SLK: variants seen among roughly 807,000 people sequenced by gnomAD.
SLK encodes the protein STE20 like kinase.
SLK carries 67 observed loss-of-function variants against 147.7 expected under a neutral mutation model. That is an observed-to-expected ratio of 0.45 (90% CI 0.37 to 0.56). The LOEUF (loss-of-function observed/expected upper bound fraction) is 0.56, where lower values mean the gene tolerates loss of function less well. Among genes scored for constraint, SLK ranks in the 20% least tolerant of loss-of-function variants. SLK has a pLI of 0.00. For synonymous variants in SLK, 441 were observed against 475.0 expected (o/e 0.93, Z 0.93); for missense variants, 1,136 against 1,438.8 (o/e 0.79, Z 3.41).
chr10:104,002,953 C>A lies in SLK; in HGVS notation c.1775C>A (p.Pro592His). ...QKLINKPMVG[P>H]EAGGTKEVPI... ...TTAATTAATAAGCCCATGGTGGGTC[C>A]TGAGGCTGGTGGTACTAAGGAAGTT... The change falls in exon 9 of 19, where the codon CCT (proline) becomes CAT (histidine). Residue 592 changes from proline (P) to histidine (H), a missense_variant. Transcript: ENST00000369755. 6.2e-7 allele frequency: 1 copy of A among 1,613,970 alleles called. No individual in the cohort carries two copies. The highest frequency in any genetic ancestry group is 8.5e-7 in the Non-Finnish European group (1 of 1,179,922).
At chr10:104,008,390 C>CA in intron 12 of SLK, 34 bp downstream of exon 12, 1 of 1,348,632 alleles carries the variant, frequency 7.4e-7, no homozygotes, top group Non-Finnish European at 1.0e-6. Flanking sequence ...ATTACTAAAG[C>CA]TTTTTTTTTA....
intron 7 of SLK, among the ~76,000 whole-genome samples, chr10:104,000,976 T>C (rs1209041876): frequency 6.7e-6 from 1 of 148,964 alleles, no homozygotes; most frequent in Non-Finnish European, 1.5e-5. Context: ...GGAGAATCTC[T>C]TGAACCTGGG....
chr10:104,018,711 A>G, intron 14 of SLK, 73 bp from the exon 15 acceptor site: 1 of 1,454,950 alleles, frequency 6.9e-7, no homozygotes, highest in Admixed American at 2.1e-5. Flanking sequence ...TTCTATGTAA[A>G]TATTAAAATG....
chr10:104,014,662 A>G (rs570299146), intron 13 of SLK, among the ~76,000 whole-genome samples: 36 of 152,314 alleles, frequency 2.4e-4, no homozygotes, highest in African/African-American at 8.7e-4. Context: ...CAAATTCTAT[A>G]CAAATAGCCC....
intron 13 of SLK, among the ~76,000 whole-genome samples, chr10:104,017,012 A>C (rs968184362): frequency 2.6e-5 from 4 of 152,228 alleles, no homozygotes; most frequent in Admixed American, 1.3e-4. Flanking sequence ...ATCCAAATTT[A>C]CATTTCTTTA....
At chr10:104,013,128 C>T (rs1295572390) in intron 13 of SLK, among the ~76,000 whole-genome samples, 5 of 152,240 alleles carry the variant, frequency 3.3e-5, no homozygotes, top group South Asian at 2.1e-4. Flanking sequence ...CTGCTTTAAG[C>T]GAAGGTACAA....
At position 104,021,303 on chromosome 10, in the gene SLK, G is replaced by C. The variant is rs531407339; in HGVS notation, c.3448-317G>C. On this transcript the variant is annotated intron_variant, in intron 17 of 18. Transcript: ENST00000369755. ...ACCAGATCCCACATTCTGTACTCACGGGTAAAATGTATGCAGGCTGCCTTC... is the reference window on the plus strand; with the variant it reads ...ACCAGATCCCACATTCTGTACTCACCGGTAAAATGTATGCAGGCTGCCTTC... Among the ~76,000 whole-genome samples the C allele has an allele frequency of 2.0e-5, 3 of 152,316 alleles. No individual in the cohort carries two copies. In the East Asian group the frequency reaches 5.8e-4, roughly 29 times the overall value.
chr10:104,022,404 G>T (rs1211790922), intron 18 of SLK, among the ~76,000 whole-genome samples: 1 of 152,040 alleles, frequency 6.6e-6, no homozygotes, highest in African/African-American at 2.4e-5. Flanking sequence ...GGTCTTACTG[G>T]CTAACCATTT....
chr10:103,996,645 G>A (rs1198890127), intron 4 of SLK, among the ~76,000 whole-genome samples: 3 of 151,982 alleles, frequency 2.0e-5, no homozygotes, highest in African/African-American at 4.8e-5. Flanking sequence ...TGATCCACCC[G>A]CCTCAGCCTC....
At chr10:104,008,133 T>C (rs747512236) in intron 11 of SLK, 44 bp from the exon 12 acceptor site, 5 of 1,458,982 alleles carry the variant, frequency 3.4e-6, no homozygotes, top group Admixed American at 1.9e-5. Flanking sequence ...GGTATTAATA[T>C]GGGTGATGGA....
At chr10:103,995,423 CTTTTTTTTTTTTTTT>C (rs756975426) in intron 4 of SLK, among the ~76,000 whole-genome samples, 1 of 67,704 alleles carries the variant, frequency 1.5e-5, no homozygotes, top group Non-Finnish European at 2.8e-5. Flanking sequence ...TCTTTCTTTT[CTTTTTTTTTTTTTTT>C]TTTTTTTGAG....
At position 104,022,797 on chromosome 10, in the gene SLK, G is replaced by A. The variant is rs1379680276; in HGVS notation, c.3561+1064G>A. ...TAATTTTTGTATTTTCAGTAGAGAC[G>A]GGGCTTCGCCATGTTGGCCAGGCTG... On this transcript the variant is annotated intron_variant, in intron 18 of 18. Coordinates refer to ENST00000369755, the MANE Select transcript of SLK (RefSeq NM_014720.4). 3.3e-5 allele frequency among the ~76,000 whole-genome samples: 5 copies of A among 152,218 alleles called. No homozygotes were observed. The East Asian group carries it at 5.8e-4, about 18-fold the overall frequency.
rs187031587 is a variant in SLK, at chr10:104,017,195, G to A, written c.2878-965G>A. Among the ~76,000 whole-genome samples the A allele has an allele frequency of 3.3e-3, 496 of 152,274 alleles. 7 individuals are homozygous for A. Among genetic ancestry groups the A allele is most frequent in the Non-Finnish European group, 2.9e-3 (195 of 68,024 alleles). ...ATAAATATTTGTTGAATGAATTAGT[G>A]AATCCGAAACATGTTTATAGAATTC... On this transcript the variant is annotated intron_variant, in intron 13 of 18. Transcript: ENST00000369755.
intron 1 of SLK, among the ~76,000 whole-genome samples, chr10:103,989,507 C>CACCCAG (rs1213690150): frequency 7.7e-6 from 1 of 129,694 alleles, no homozygotes; most frequent in South Asian, 2.6e-4. Flanking sequence ...CTTGCTCTGT[C>CACCCAG]ACCCAGACTG....
chr10:104,020,682 C>T (rs1271318113), intron 17 of SLK, 69 bp downstream of exon 17: 1 of 1,522,268 alleles, frequency 6.6e-7, no homozygotes, highest in Non-Finnish European at 8.9e-7. Flanking sequence ...TTTGAGAGAA[C>T]AGTAGCTAGC....
rs769524606 is a variant in SLK at position 104,001,499 on chromosome 10, C to T, written c.920C>T (p.Ala307Val). 3.1e-6 allele frequency: 5 copies of T among 1,613,696 alleles called. 1 individual carries two copies. The South Asian group carries it at 3.3e-5, about 11-fold the overall frequency. ...CCCATCCGAGAATTGATTGCAGAGG[C>T]GAAGGCTGAAGTAACAGAAGAAGTT... ...NKPIRELIAE[A>V]KAEVTEEVED... Residue 307 changes from alanine to valine, a missense_variant, in exon 8 of 19, where the codon GCG becomes GTG. Transcript: ENST00000369755.
chr10:104,020,474 TTTC>T lies in SLK; in HGVS notation c.3322-11_3322-9del, dbSNP rs1372847281. 6.2e-7 allele frequency: 1 copy of T among 1,604,660 alleles called. No individual in the cohort carries two copies. The highest frequency in any genetic ancestry group is 8.5e-7 in the Non-Finnish European group (1 of 1,176,064). On this transcript the variant is annotated splice_polypyrimidine_tract_variant and intron_variant, in intron 16 of 18. Coordinates refer to ENST00000369755, the MANE Select transcript of SLK (RefSeq NM_014720.4). ...GCTTCTGAACTATAGTTTATCTTTT[TTTC>T]TTATTTATAGTTTGCTGCACAAGAA...
Position 104,002,253 on chromosome 10 carries a change from A to T in SLK, c.1075A>T (p.Ile359Phe), listed in dbSNP as rs1382824658. The change falls in exon 9 of 19, where the codon ATT (isoleucine) becomes TTT (phenylalanine). Residue 359 changes from isoleucine (I) to phenylalanine (F), a missense_variant. Physicochemically the swap from Ile to Phe is conservative, Grantham distance 21 (BLOSUM62 0). Around this residue, in one of 6 missense-constraint regions of SLK, gnomAD observed 516 missense variants for 531.3 expected, o/e 0.97. Transcript: ENST00000369755. ...AGATAAACTTTCACAAAATGCTTGTATTTTGGAGTCTGTCTCAGAAAAAAC... is the reference window on the plus strand; with the variant it reads ...AGATAAACTTTCACAAAATGCTTGTTTTTTGGAGTCTGTCTCAGAAAAAAC... ...EEDKLSQNAC[I>F]LESVSEKTER... is the part of the protein sequence containing the mutation. The T allele has an allele frequency of 6.2e-7, 1 of 1,612,760 alleles. No homozygotes were observed. Among genetic ancestry groups the T allele is most frequent in the Non-Finnish European group, 8.5e-7 (1 of 1,179,078 alleles).
At chr10:104,020,446 C>A in intron 16 of SLK, 42 bp from the exon 17 acceptor site, 1 of 1,554,238 alleles carries the variant, frequency 6.4e-7, no homozygotes, top group South Asian at 1.2e-5. Context: ...ATAGAAATCA[C>A]ATGCTTCTGA....
Sources: gnomAD v4.1 joint callset for allele counts (sites outside exome capture counted in the v4.1 genomes callset) on GRCh38, gnomAD v4.1.1 for gene constraint, gnomAD v4.1.1 regional missense constraint, MANE v1.5 for transcripts, NCBI Gene and HGNC (gene_info 2026-07-23, HGNC 2026-07-21) for gene names.